Variants in NSD1 observed in about 807,000 individuals in gnomAD.
The protein encoded by NSD1 is nuclear receptor binding SET domain protein 1, also known as histone-lysine N-methyltransferase, H3 lysine-36 specific.
NSD1 carries 26 observed loss-of-function variants against 242.7 expected under a neutral mutation model. The observed-to-expected ratio is 0.11, with a 90% CI of 0.08 to 0.15. The LOEUF (loss-of-function observed/expected upper bound fraction) is 0.15. Ranked by LOEUF, NSD1 falls within the 10% of genes least tolerant of loss-of-function variation. The pLI, the probability that NSD1 is intolerant of heterozygous loss-of-function variation, is 1.00. For synonymous variants in NSD1, 1,106 were observed against 1,178.1 expected, an observed-to-expected ratio of 0.94 and a Z score of 1.25; for missense variants, 2,495 against 3,272.8, an observed-to-expected ratio of 0.76 and a Z score of 5.80.
intron 12 of NSD1, among the ~76,000 whole-genome samples, chr5:177,256,727 G>A (rs1370051360): frequency 2.0e-5 from 3 of 152,082 alleles, no homozygotes; most frequent in Admixed American, 6.6e-5. Flanking sequence ...GGGTGCCAGC[G>A]GCAAGCATTT....
chr5:177,182,077 G>A (rs1238305249), intron 2 of NSD1, among the ~76,000 whole-genome samples: 3 of 151,928 alleles, frequency 2.0e-5, no homozygotes, highest in African/African-American at 2.4e-5. Context: ...GTGTGAACCC[G>A]GGAGGTGGAG....
In NSD1 at chr5:177,249,773, C is replaced by CG. The variant is rs1755774923; in HGVS notation, c.4641+1449_4641+1450insG. Reference sequence around the variant, plus strand: ...AAGTGCTGGGATTACAGGCGTGAGCCACCACGCCCGGCCAGTTCTTCTTTT... The same window carrying CG: ...AAGTGCTGGGATTACAGGCGTGAGCCGACCACGCCCGGCCAGTTCTTCTTTT... On this transcript the variant is annotated intron_variant, in intron 11 of 22. Coordinates refer to ENST00000439151, the MANE Select transcript of NSD1 (RefSeq NM_022455.5). 2.0e-5 allele frequency among the ~76,000 whole-genome samples: 3 copies of CG among 152,350 alleles called. No individual in the cohort carries two copies. In the South Asian group the frequency reaches 6.2e-4, roughly 32 times the overall value.
intron 2 of NSD1, among the ~76,000 whole-genome samples, chr5:177,163,738 CAAAAG>C (rs1581174833): frequency 6.6e-6 from 1 of 152,244 alleles, no homozygotes; most frequent in East Asian, 1.9e-4. Context: ...ATTTAATCCT[CAAAAG>C]AACCCCACCT....
At chr5:177,172,890 A>G (rs1331517463) in intron 2 of NSD1, among the ~76,000 whole-genome samples, 3 of 138,824 alleles carry the variant, frequency 2.2e-5, no homozygotes, top group Non-Finnish European at 3.0e-5. Flanking sequence ...TGAGTCTGGT[A>G]TGTTGAGGCT....
At position 177,226,821 on chromosome 5, in the gene NSD1, T is replaced by A. The variant is rs943646962; in HGVS notation, c.3797-9000T>A. Among the ~76,000 whole-genome samples, 10 of 152,210 alleles carry A rather than the reference T, an allele frequency of 6.6e-5. No homozygotes were observed. The East Asian group carries it at 1.2e-3, about 18-fold the overall frequency. On this transcript the variant is annotated intron_variant, in intron 5 of 22. Transcript: ENST00000439151. ...TCACAATCTAGTAATTAAAAAAAAA[T>A]TTTGAGTAAAGTATGAAATTTTGTT...
intron 8 of NSD1, among the ~76,000 whole-genome samples, chr5:177,243,360 T>C (rs1258049124): frequency 6.6e-6 from 1 of 151,940 alleles, no homozygotes; most frequent in Non-Finnish European, 1.5e-5. Context: ...AATTTTTGTA[T>C]AATTTTTAGT....
intron 2 of NSD1, among the ~76,000 whole-genome samples, chr5:177,184,579 T>A (rs2149812037): frequency 6.6e-6 from 1 of 152,208 alleles, no homozygotes; most frequent in South Asian, 2.1e-4. Flanking sequence ...CTTAGGCTGG[T>A]GTGCAGTGGG....
chr5:177,164,937 C>CT (rs774473838), intron 2 of NSD1, among the ~76,000 whole-genome samples: 2 of 148,994 alleles, frequency 1.3e-5, no homozygotes, highest in Non-Finnish European at 3.0e-5. Flanking sequence ...GAGCGAAACT[C>CT]TGTCTCATTA....
chr5:177,183,066 C>T (rs1249863762), intron 2 of NSD1, among the ~76,000 whole-genome samples: 1 of 152,154 alleles, frequency 6.6e-6, no homozygotes, highest in Non-Finnish European at 1.5e-5. Context: ...TGTGAACCCC[C>T]ACAACCAGCC....
At chr5:177,231,065 A>T (rs10037110) in intron 5 of NSD1, among the ~76,000 whole-genome samples, 126,511 of 152,146 alleles carry the variant, frequency 0.83, 53,328 homozygotes, top group East Asian at 1. Flanking sequence ...ATTAACTAAT[A>T]AGATGGGTTT....
intron 10 of NSD1, among the ~76,000 whole-genome samples, chr5:177,247,500 G>T (rs1395114293): frequency 6.6e-6 from 1 of 151,572 alleles, no homozygotes; most frequent in Non-Finnish European, 1.5e-5. Context: ...GCTGAGGTGG[G>T]AGGATCATAT....
At chr5:177,264,345 A>C (rs1757246273) in intron 14 of NSD1, among the ~76,000 whole-genome samples, 1 of 152,236 alleles carries the variant, frequency 6.6e-6, no homozygotes, top group Non-Finnish European at 1.5e-5. Context: ...GTTTAGTGAC[A>C]TAGTTTCAGT....
chr5:177,223,296 G>C (rs1764383557), intron 5 of NSD1, among the ~76,000 whole-genome samples: 1 of 152,022 alleles, frequency 6.6e-6, no homozygotes, highest in Admixed American at 6.6e-5. Flanking sequence ...GCTAGGCCGG[G>C]CACGGTGGCT....
At chr5:177,251,919 A>G (rs1756000166) in intron 12 of NSD1, 66 bp downstream of exon 12, 1 of 1,599,250 alleles carries the variant, frequency 6.3e-7, no homozygotes, top group Non-Finnish European at 8.6e-7. Flanking sequence ...CAGGAAAGAC[A>G]TTTATTGGAG....
chr5:177,144,083 A>G (rs1008239230), intron 2 of NSD1, among the ~76,000 whole-genome samples: 1 of 152,332 alleles, frequency 6.6e-6, no homozygotes, highest in East Asian at 1.9e-4. Context: ...TCTCCTGGCC[A>G]TGATACAAGA....
chr5:177,212,816 A>G (rs1763465349), intron 5 of NSD1, among the ~76,000 whole-genome samples: 1 of 149,444 alleles, frequency 6.7e-6, no homozygotes, highest in African/African-American at 2.5e-5. Context: ...TAATTTTTGT[A>G]TTTTTAGTAG....
chr5:177,198,586 A>T (rs1225032758), intron 3 of NSD1, among the ~76,000 whole-genome samples: 1 of 152,212 alleles, frequency 6.6e-6, no homozygotes, highest in African/African-American at 2.4e-5. Context: ...GTATAAAATT[A>T]GTAAATCTAC....
At chr5:177,167,621 A>G (rs1562145110) in intron 2 of NSD1, among the ~76,000 whole-genome samples, 1 of 152,022 alleles carries the variant, frequency 6.6e-6, no homozygotes, top group Non-Finnish European at 1.5e-5. Flanking sequence ...GTAGGCTACT[A>G]GTACACACTG....
At chr5:177,272,706 A>G (rs891735854) in intron 16 of NSD1, among the ~76,000 whole-genome samples, 1 of 152,144 alleles carries the variant, frequency 6.6e-6, no homozygotes, top group African/African-American at 2.4e-5. Context: ...ACTGGGCAAC[A>G]TGGCAAAACC....
Sources: allele counts gnomAD v4.1 joint callset (sites outside exome capture counted in the v4.1 genomes callset), GRCh38; gene constraint gnomAD v4.1.1; transcripts MANE v1.5; gene names NCBI Gene and HGNC (gene_info 2026-07-23, HGNC 2026-07-21).